UGP2: variants seen among roughly 807,000 people sequenced by gnomAD.
UGP2 encodes UDP-glucose pyrophosphorylase 2.
Under a neutral mutation model 49.0 loss-of-function variants are expected in UGP2, and 40 were observed. That is an observed-to-expected ratio of 0.82 (90% CI 0.63 to 1.06). The LOEUF (loss-of-function observed/expected upper bound fraction) is 1.06, where lower values mean the gene tolerates loss of function less well. UGP2 is among the 50% of genes least tolerant of loss of function. The pLI, the probability that UGP2 is intolerant of heterozygous loss-of-function variation, is 0.00. For missense variants in UGP2, 460 were observed against 603.5 expected (o/e 0.76, Z 2.49); for synonymous variants, 225 against 213.0 (o/e 1.06, Z -0.49).
chr2:63,887,344 C>G (rs1575857943), intron 7 of UGP2, 58 bp from the exon 8 acceptor site: 1 of 1,594,404 alleles, frequency 6.3e-7, no homozygotes, highest in Non-Finnish European at 8.6e-7. Context: ...CTACATGGAA[C>G]TAAGTTGTAG....
chr2:63,845,229 C>T (rs945262510), intron 1 of UGP2, among the ~76,000 whole-genome samples: 1 of 152,154 alleles, frequency 6.6e-6, no homozygotes, highest in Non-Finnish European at 1.5e-5. Flanking sequence ...ATCTTAGGCA[C>T]ATACCTTTCA....
chr2:63,852,354 T>A (rs1669099327), intron 1 of UGP2, among the ~76,000 whole-genome samples: 1 of 152,244 alleles, frequency 6.6e-6, no homozygotes, highest in Non-Finnish European at 1.5e-5. Context: ...AATCTGTGTT[T>A]TAACCAGCCT....
chr2:63,853,304 A>G (rs542203587), intron 1 of UGP2, among the ~76,000 whole-genome samples: 4 of 152,158 alleles, frequency 2.6e-5, no homozygotes, highest in Non-Finnish European at 5.9e-5. Context: ...TCTAGCCGGC[A>G]TAGTTCATAT....
chr2:63,859,857 C>CA (rs1669714059), intron 3 of UGP2, among the ~76,000 whole-genome samples: 1 of 152,042 alleles, frequency 6.6e-6, no homozygotes, highest in Non-Finnish European at 1.5e-5. Flanking sequence ...AATGCAGAGG[C>CA]AAAAAATAAG....
chr2:63,890,994 A>ATATT (rs554024514), intron 9 of UGP2, 126 bp from the exon 10 acceptor site: 6 of 613,244 alleles, frequency 9.8e-6, no homozygotes, highest in Non-Finnish European at 1.7e-5. Flanking sequence ...TTCATGTTTA[A>ATATT]TATTGTTTAT....
chr2:63,859,293 CAG>C (rs1669672692), intron 3 of UGP2: 2 of 152,112 alleles, frequency 1.3e-5, no homozygotes, highest in Non-Finnish European at 2.9e-5. Flanking sequence ...CTGTTCCTGA[CAG>C]TGGTTTTGGT....
chr2:63,883,056 T>G (rs531505128), intron 4 of UGP2, among the ~76,000 whole-genome samples: 1 of 152,316 alleles, frequency 6.6e-6, no homozygotes, highest in Admixed American at 6.5e-5. Flanking sequence ...GGCTTCTCTC[T>G]TAGGACAAAG....
At chr2:63,858,509 C>G (rs532582742) in intron 3 of UGP2, among the ~76,000 whole-genome samples, 5 of 151,480 alleles carry the variant, frequency 3.3e-5, no homozygotes, top group Non-Finnish European at 7.4e-5. Flanking sequence ...AAAAACTATA[C>G]ATAACATTCT....
intron 3 of UGP2, among the ~76,000 whole-genome samples, chr2:63,877,029 A>G (rs1670950359): frequency 6.6e-6 from 1 of 152,258 alleles, no homozygotes; most frequent in African/African-American, 2.4e-5. Flanking sequence ...TATCACCATC[A>G]TAGAATAAGT....
At chr2:63,877,177 C>T (rs975144304) in intron 3 of UGP2, among the ~76,000 whole-genome samples, 1 of 152,102 alleles carries the variant, frequency 6.6e-6, no homozygotes, top group African/African-American at 2.4e-5. Flanking sequence ...TTGCAGTCAC[C>T]ATAATGCACA....
intron 1 of UGP2, among the ~76,000 whole-genome samples, chr2:63,851,151 A>T (rs752002566): frequency 3.3e-5 from 5 of 152,224 alleles, no homozygotes; most frequent in Admixed American, 1.3e-4. Context: ...ATTTAAACTG[A>T]ACTCTGACAA....
chr2:63,843,316 T>A (rs72891019), intron 1 of UGP2, among the ~76,000 whole-genome samples: 2 of 152,242 alleles, frequency 1.3e-5, no homozygotes, highest in Non-Finnish European at 2.9e-5. Flanking sequence ...TCACTTGTTA[T>A]TAGACTTTCA....
chr2:63,845,468 T>G (rs1671862558), intron 1 of UGP2, among the ~76,000 whole-genome samples: 2 of 151,980 alleles, frequency 1.3e-5, no homozygotes, highest in African/African-American at 4.8e-5. Flanking sequence ...GTATGAAAGT[T>G]CTTTATTTTC....
At chr2:63,856,091 A>T (rs150144545) in intron 1 of UGP2, 1 of 459,282 alleles carries the variant, frequency 2.2e-6, no homozygotes, top group African/African-American at 2.0e-5. Context: ...GGAATTGCCA[A>T]TACCTCTCAA....
intron 3 of UGP2, among the ~76,000 whole-genome samples, chr2:63,881,247 T>TAGGG (rs1671287737): frequency 6.6e-6 from 1 of 152,146 alleles, no homozygotes; most frequent in Non-Finnish European, 1.5e-5. Flanking sequence ...GATATATGTA[T>TAGGG]GTATGTTCAT....
chr2:63,883,730 C>A (rs1445444711), intron 4 of UGP2, among the ~76,000 whole-genome samples: 4 of 152,194 alleles, frequency 2.6e-5, no homozygotes, highest in Non-Finnish European at 4.4e-5. Flanking sequence ...CCGTAAAATG[C>A]AGACAGTAGT....
At chr2:63,858,022 T>C in intron 3 of UGP2, 86 bp downstream of exon 3, 1 of 1,206,952 alleles carries the variant, frequency 8.3e-7, no homozygotes, top group Non-Finnish European at 1.2e-6. Flanking sequence ...GTAGGGGACC[T>C]ATAACAATCA....
chr2:63,880,058 G>T (rs1671184182), intron 3 of UGP2, among the ~76,000 whole-genome samples: 2 of 151,968 alleles, frequency 1.3e-5, no homozygotes, highest in African/African-American at 4.8e-5. Flanking sequence ...AAAATAATTG[G>T]CCTGGTCCCA....
intron 3 of UGP2, among the ~76,000 whole-genome samples, chr2:63,858,433 A>G (rs916136845): frequency 3.7e-4 from 57 of 152,164 alleles, no homozygotes; most frequent in African/African-American, 1.3e-3. Flanking sequence ...AATTATATAT[A>G]TAGTTCCTAG....
Sources: gnomAD v4.1 joint callset for allele counts (sites outside exome capture counted in the v4.1 genomes callset) on GRCh38, gnomAD v4.1.1 for gene constraint, MANE v1.5 for transcripts, NCBI Gene and HGNC (gene_info 2026-07-23, HGNC 2026-07-21) for gene names.